Variants in TAB3 observed in about 807,000 individuals in gnomAD.
TAB3 encodes the protein TGF-beta activated kinase 1 (MAP3K7) binding protein 3.
In TAB3, 18 loss-of-function variants were observed where a neutral mutation model predicts 48.1. That is an observed-to-expected ratio of 0.37 (90% CI 0.26 to 0.55). The LOEUF (loss-of-function observed/expected upper bound fraction) is 0.55, where lower values mean the gene tolerates loss of function less well. Ranked by LOEUF, TAB3 falls within the 20% of genes least tolerant of loss-of-function variation. The pLI is 0.78. For missense variants in TAB3, 414 were observed against 549.8 expected (o/e 0.75, Z 2.47); for synonymous variants, 185 against 190.2 (o/e 0.97, Z 0.22).
intron 7 of TAB3, among the ~76,000 whole-genome samples, chrX:30,848,523 G>C (rs1938712605): frequency 1.8e-5 from 2 of 111,106 alleles, no homozygotes; most frequent in African/African-American, 6.6e-5. Context: ...CTCTGTCTCA[G>C]AAACAACAAA....
At chrX:30,856,548 G>A (rs188952580) in intron 5 of TAB3, among the ~76,000 whole-genome samples, 20 of 112,086 alleles carry the variant, frequency 1.8e-4, no homozygotes, top group Non-Finnish European at 3.2e-4. Flanking sequence ...CACTACTTTT[G>A]AAGTAATCCA....
chrX:30,873,524 CA>C (rs61644834), intron 1 of TAB3, among the ~76,000 whole-genome samples: 1,651 of 50,619 alleles, frequency 0.033, 41 homozygotes, highest in African/African-American at 0.097. Flanking sequence ...GACTCCGTCT[CA>C]AAAAAAAAAA....
intron 1 of TAB3, among the ~76,000 whole-genome samples, chrX:30,877,151 A>C (rs1195393672): frequency 8.9e-6 from 1 of 112,270 alleles, no homozygotes; most frequent in Non-Finnish European, 1.9e-5. Context: ...TGATAGCTTA[A>C]TTTTCAACAA....
chrX:30,852,111 T>C (rs1938875378), intron 7 of TAB3, among the ~76,000 whole-genome samples: 1 of 112,588 alleles, frequency 8.9e-6, no homozygotes, highest in South Asian at 3.6e-4. Flanking sequence ...GGTTGGATCA[T>C]CGCTTGTGAA....
intron 6 of TAB3, among the ~76,000 whole-genome samples, chrX:30,853,234 T>C (rs1373531201): frequency 8.9e-6 from 1 of 112,316 alleles, no homozygotes; most frequent in Non-Finnish European, 1.9e-5. Context: ...CTTCCCTTCT[T>C]ATATACTGAA....
intron 1 of TAB3, among the ~76,000 whole-genome samples, chrX:30,884,569 A>AT (rs1421591535): frequency 1.8e-5 from 2 of 108,539 alleles, no homozygotes; most frequent in Non-Finnish European, 3.8e-5. Context: ...ACTGAAAGTC[A>AT]TTTTTCAAAC....
At chrX:30,857,203 A>C (rs1939104181) in intron 5 of TAB3, among the ~76,000 whole-genome samples, 1 of 112,137 alleles carries the variant, frequency 8.9e-6, no homozygotes, top group Admixed American at 9.5e-5. Context: ...AGAAAATTTA[A>C]AATTCAAATA....
chrX:30,885,659 A>T (rs1383806401), intron 1 of TAB3, among the ~76,000 whole-genome samples: 1 of 111,791 alleles, frequency 8.9e-6, no homozygotes, highest in Non-Finnish European at 1.9e-5. Context: ...CCTGCTGAAG[A>T]GGATGAGTGT....
intron 1 of TAB3, among the ~76,000 whole-genome samples, chrX:30,872,016 C>A (rs770173245): frequency 6.2e-5 from 7 of 112,023 alleles, no homozygotes; most frequent in Non-Finnish European, 1.3e-4. Context: ...CTCATCACCT[C>A]GAGTGCCTAA....
Position 30,831,365 on chromosome X carries a change from T to G in TAB3, c.*62A>C. The G allele has an allele frequency of 8.8e-7, 1 of 1,136,205 alleles. No homozygotes were observed. The highest frequency in any genetic ancestry group is 2.2e-5 in the South Asian group (1 of 45,223). The allele number at this position is 1,136,205 out of a possible 1,213,427, so 93.6% of individuals were successfully genotyped here. On this transcript the variant is annotated 3_prime_UTR_variant, in exon 11 of 11. Coordinates refer to ENST00000288422, the MANE Select transcript of TAB3 (RefSeq NM_152787.5). ...TGGGTGGATGAATAGAGTCCCGAGG[T>G]TTCCTTTTCTTCTGGTAGTGCTCAA...
intron 1 of TAB3, among the ~76,000 whole-genome samples, chrX:30,874,690 T>C (rs1180201791): frequency 1.8e-5 from 2 of 111,838 alleles, no homozygotes; most frequent in Non-Finnish European, 3.8e-5. Flanking sequence ...GCAGAATCAC[T>C]AGAAGTATAG....
In TAB3 at chrX:30,859,387, C is replaced by CACACAA; in HGVS notation, c.102+94_102+99dup. ...ACACACACACACACACACACACACA[C>CACACAA]ACACAAGAAAACATACCTGGGTTCT... is the stretch of plus-strand genomic sequence containing the variant. On this transcript the variant is annotated intron_variant, in intron 5 of 10. Coordinates refer to ENST00000288422, the MANE Select transcript of TAB3 (RefSeq NM_152787.5). The CACACAA allele has an allele frequency of 1.3e-5, 8 of 608,902 alleles. No homozygotes were observed. In the South Asian group the frequency reaches 2.2e-4, roughly 17 times the overall value. The allele number at this position is 608,902 out of a possible 1,213,427, so 50.2% of individuals were successfully genotyped here.
rs1938007878 is a variant in TAB3 at position 30,830,918 on chromosome X, C to CCCG, written c.*508_*509insCGG. ...AAATACCCTTAATTAATTTGCCCCCCCCCCCCAAATATTCTAGGTGCTTTT... is the reference window on the plus strand; with the variant it reads ...AAATACCCTTAATTAATTTGCCCCCCCCGCCCCCCAAATATTCTAGGTGCTTTT... On this transcript the variant is annotated 3_prime_UTR_variant, in exon 11 of 11. Coordinates refer to ENST00000288422, the MANE Select transcript of TAB3 (RefSeq NM_152787.5). The CCCG allele has an allele frequency of 1.3e-5, 1 of 78,998 alleles. No homozygotes were observed. The highest frequency in any genetic ancestry group is 2.6e-5 in the Non-Finnish European group (1 of 38,579). The allele number at this position is 78,998 out of a possible 1,213,427, so 6.5% of individuals were successfully genotyped here.
At chrX:30,844,363 G>A (rs1364398092) in intron 8 of TAB3, 1 of 111,110 alleles carries the variant, frequency 9.0e-6, no homozygotes, top group Non-Finnish European at 1.9e-5. Flanking sequence ...ACTTGAATAT[G>A]CTGTTTTAAG....
In TAB3 at chrX:30,830,343, T is replaced by C. The variant is rs1054067430; in HGVS notation, c.*1084A>G. Reference sequence around the variant, plus strand: ...CCCCTCACACTGGTTTGTTAACATATGCAAGTAAGTTTTTATTGAACAGTT... The same window carrying C: ...CCCCTCACACTGGTTTGTTAACATACGCAAGTAAGTTTTTATTGAACAGTT... On this transcript the variant is annotated 3_prime_UTR_variant, in exon 11 of 11. Transcript: ENST00000288422. The C allele has an allele frequency of 9.8e-5, 11 of 112,362 alleles. No homozygotes were observed. The Admixed American group carries it at 1.0e-3, about 11-fold the overall frequency. The allele number at this position is 112,362 out of a possible 1,213,427, so 9.3% of individuals were successfully genotyped here. A position where few individuals can be genotyped will look rare whatever the true frequency, so the allele number is the denominator to read the frequency against.
At chrX:30,833,132 G>A (rs889516991) in intron 10 of TAB3, among the ~76,000 whole-genome samples, 49 of 108,529 alleles carry the variant, frequency 4.5e-4, no homozygotes, top group African/African-American at 1.2e-3. Flanking sequence ...CACCGCACCC[G>A]GCTAATTTTT....
intron 2 of TAB3, among the ~76,000 whole-genome samples, chrX:30,871,199 A>G (rs1466934425): frequency 1.8e-5 from 2 of 112,320 alleles, no homozygotes; most frequent in Admixed American, 9.4e-5. Flanking sequence ...TTATACCCTT[A>G]TTTGTTCATA....
At chrX:30,868,567 TTA>T (rs759682694) in intron 2 of TAB3, among the ~76,000 whole-genome samples, 435 of 2,731 alleles carry the variant, frequency 0.16, 70 homozygotes, top group South Asian at 0.38. Context: ...TATATATAGC[TTA>T]TATATATATA....
chrX:30,840,784 A>C (rs1938409640), intron 9 of TAB3, among the ~76,000 whole-genome samples: 1 of 111,589 alleles, frequency 9.0e-6, no homozygotes, highest in African/African-American at 3.3e-5. Flanking sequence ...TAGGGAGTTT[A>C]TGCTGAGGGA....
Sources: gnomAD v4.1 joint callset for allele counts (sites outside exome capture counted in the v4.1 genomes callset) on GRCh38, gnomAD v4.1.1 for gene constraint, MANE v1.5 for transcripts, NCBI Gene and HGNC (gene_info 2026-07-23, HGNC 2026-07-21) for gene names.